Variants in MTAP observed in about 807,000 individuals in gnomAD.
MTAP encodes methylthioadenosine phosphorylase, also known as S-methyl-5'-thioadenosine phosphorylase.
A neutral mutation model predicts 33.6 loss-of-function variants in MTAP; 33 were observed. The ratio of observed to expected loss-of-function variants is 0.98; its 90% confidence interval spans 0.74 to 1.31. The LOEUF (loss-of-function observed/expected upper bound fraction) is 1.31. MTAP is among the 40% of genes most tolerant of loss of function. The pLI, the probability that MTAP is intolerant of heterozygous loss-of-function variation, is 0.00. For missense variants in MTAP, 367 were observed against 360.0 expected (o/e 1.02, Z -0.16); for synonymous variants, 148 against 125.7 (o/e 1.18, Z -1.19).
intron 1 of MTAP, among the ~76,000 whole-genome samples, chr9:21,894,156 A>G (rs1190034253): frequency 2.6e-5 from 4 of 151,740 alleles, no homozygotes; most frequent in African/African-American, 9.7e-5. Context: ...ATACCACATT[A>G]TCATTTCAAT....
At chr9:21,814,562 T>G (rs1824430655) in intron 1 of MTAP, among the ~76,000 whole-genome samples, 1 of 152,238 alleles carries the variant, frequency 6.6e-6, no homozygotes. Context: ...AGTTAATTTT[T>G]ATTTATTTTT....
chr9:21,846,304 A>G (rs563130224), intron 5 of MTAP, among the ~76,000 whole-genome samples: 1 of 152,212 alleles, frequency 6.6e-6, no homozygotes, highest in African/African-American at 2.4e-5. Context: ...AACAAAAAAT[A>G]ATAATCAGTG....
intron 7 of MTAP, 140 bp downstream of exon 7, chr9:21,859,565 AC>A: frequency 1.2e-6 from 1 of 854,120 alleles, no homozygotes; most frequent in African/African-American, 1.7e-5. Context: ...ATCTACTACT[AC>A]CATACCAACC....
At chr9:21,836,912 C>A (rs1398654308) in intron 4 of MTAP, among the ~76,000 whole-genome samples, 3 of 152,176 alleles carry the variant, frequency 2.0e-5, no homozygotes, top group African/African-American at 4.8e-5. Flanking sequence ...GAAACTATTT[C>A]TCAGTGCTGC....
intron 1 of MTAP, among the ~76,000 whole-genome samples, chr9:21,928,464 T>C (rs999797585): frequency 2.6e-5 from 4 of 152,144 alleles, no homozygotes; most frequent in African/African-American, 9.7e-5. Context: ...TAAGTACCTC[T>C]TGGTCTGTGT....
rs941033951 is a variant in MTAP at position 21,864,243 on chromosome 9, T to C, written c.*2229T>C. 15 of 985,320 alleles carry C rather than the reference T, an allele frequency of 1.5e-5. No individual in the cohort carries two copies. The Middle Eastern group carries it at 1.5e-3, about 102-fold the overall frequency. The allele number at this position is 985,320 out of a possible 1,614,324, so 61.0% of individuals were successfully genotyped here. A position where few individuals can be genotyped will look rare whatever the true frequency, so the allele number is the denominator to read the frequency against. On this transcript the variant is annotated 3_prime_UTR_variant, in exon 8 of 8. Coordinates refer to ENST00000644715, the MANE Select transcript of MTAP (RefSeq NM_002451.4). ...AGTATACTCTTTTCTTTGTTCTCAA[T>C]CATTCACTCCTTATGCAAAGCCAAT...
rs1205518031 is a variant in MTAP at position 21,876,997 on chromosome 9, A to G, written c.147+22127A>G. Reference sequence around the variant, plus strand: ...TGATTCTTCCTGTTCGTGAGCATGGAATACTTTTCCATTTGTTTCTGTCAT... The same window carrying G: ...TGATTCTTCCTGTTCGTGAGCATGGGATACTTTTCCATTTGTTTCTGTCAT... On this transcript the variant is annotated intron_variant, in intron 1 of 1. Transcript: ENST00000577563. Among the ~76,000 whole-genome samples, 3 of 152,106 alleles carry G rather than the reference A, an allele frequency of 2.0e-5. No individual in the cohort carries two copies. In the East Asian group the frequency reaches 5.8e-4, roughly 29 times the overall value.
At chr9:21,917,539 A>G (rs757110891) in intron 1 of MTAP, among the ~76,000 whole-genome samples, 1 of 152,212 alleles carries the variant, frequency 6.6e-6, no homozygotes, top group Non-Finnish European at 1.5e-5. Context: ...AACCACAAAG[A>G]GTTACCAGCT....
chr9:21,849,303 A>T (rs551989386), intron 5 of MTAP, among the ~76,000 whole-genome samples: 35 of 152,260 alleles, frequency 2.3e-4, no homozygotes, highest in African/African-American at 7.2e-4. Flanking sequence ...AAATAATCAG[A>T]CATTTCAGGG....
At chr9:21,838,654 C>T (rs546114871) in intron 5 of MTAP, among the ~76,000 whole-genome samples, 1 of 152,316 alleles carries the variant, frequency 6.6e-6, no homozygotes, top group East Asian at 1.9e-4. Context: ...AGCCAAATCA[C>T]AGAACTATGG....
chr9:21,857,626 C>T (rs1825670346), intron 6 of MTAP, among the ~76,000 whole-genome samples: 1 of 152,188 alleles, frequency 6.6e-6, no homozygotes. Flanking sequence ...CACGAGCTTC[C>T]ATGAATTCAG....
chr9:21,892,134 A>T lies in MTAP; in HGVS notation c.147+37264A>T, dbSNP rs1299784284. 7.2e-5 allele frequency: 11 copies of T among 152,228 alleles called. No homozygotes were observed. The East Asian group carries it at 2.1e-3, about 29-fold the overall frequency. The allele number at this position is 152,228 out of a possible 1,614,324, so 9.4% of individuals were successfully genotyped here. On this transcript the variant is annotated intron_variant, in intron 1 of 1. Coordinates refer to the MTAP transcript ENST00000577563. Reference sequence around the variant, plus strand: ...GTCCTAAAGGAAGTGCTAAATGCAGAATCAAAAGACTGTTACCAGCCACCA... The same window carrying T: ...GTCCTAAAGGAAGTGCTAAATGCAGTATCAAAAGACTGTTACCAGCCACCA...
chr9:21,825,517 A>G (rs112748283), intron 4 of MTAP, among the ~76,000 whole-genome samples: 1,926 of 152,210 alleles, frequency 0.013, 32 homozygotes, highest in African/African-American at 0.044. Context: ...ATCCTCATCA[A>G]CACTTACTTT....
intron 1 of MTAP, among the ~76,000 whole-genome samples, chr9:21,805,016 C>G (rs1176929540): frequency 1.3e-5 from 2 of 152,212 alleles, no homozygotes. Flanking sequence ...CAGGCTGCCT[C>G]CAGTGCCCAC....
chr9:21,803,152 T>G, intron 1 of MTAP: 4 of 418,088 alleles, frequency 9.6e-6, no homozygotes, highest in Non-Finnish European at 1.6e-5. Context: ...AGAACCACTC[T>G]TCTTCCAAGA....
chr9:21,841,579 C>T (rs1825245029), intron 5 of MTAP, among the ~76,000 whole-genome samples: 1 of 151,542 alleles, frequency 6.6e-6, no homozygotes, highest in Non-Finnish European at 1.5e-5. Flanking sequence ...AGCTTGGAGA[C>T]CTGAAGATGG....
intron 1 of MTAP, among the ~76,000 whole-genome samples, chr9:21,908,808 T>C (rs116690000): frequency 5.6e-4 from 85 of 152,164 alleles, no homozygotes; most frequent in African/African-American, 2.0e-3. Flanking sequence ...TTAGTGATAT[T>C]AAATTATACT....
chr9:21,835,782 A>G (rs551966122), intron 4 of MTAP, among the ~76,000 whole-genome samples: 27 of 152,320 alleles, frequency 1.8e-4, no homozygotes, highest in African/African-American at 5.5e-4. Context: ...AGCATTAACA[A>G]TGACACATCC....
chr9:21,906,819 T>C (rs1818485480), intron 1 of MTAP, among the ~76,000 whole-genome samples: 1 of 152,222 alleles, frequency 6.6e-6, no homozygotes, highest in Admixed American at 6.5e-5. Context: ...TATAAATTAA[T>C]GGAAACAATT....
Sources: allele counts gnomAD v4.1 joint callset (sites outside exome capture counted in the v4.1 genomes callset), GRCh38; gene constraint gnomAD v4.1.1; transcripts MANE v1.5; gene names NCBI Gene and HGNC (gene_info 2026-07-23, HGNC 2026-07-21).